The following ZNF385D variants were observed in gnomAD, a reference collection of about 807,000 sequenced individuals.
The protein encoded by ZNF385D is zinc finger protein 385D, also known as zinc finger protein 659.
A neutral mutation model predicts 35.8 loss-of-function variants in ZNF385D; 15 were observed. The ratio of observed to expected loss-of-function variants is 0.42; its 90% CI spans 0.28 to 0.64. The LOEUF (loss-of-function observed/expected upper bound fraction) is 0.64, where lower values mean the gene tolerates loss of function less well. Among genes scored for constraint, ZNF385D ranks in the 30% least tolerant of loss-of-function variants. The probability of loss-of-function intolerance (pLI) is 0.23; values close to 1 mark genes in which losing one functional copy is unlikely to be tolerated. For synonymous variants in ZNF385D, 212 were observed against 186.8 expected (o/e 1.13, Z -1.10); for missense variants, 474 against 494.6 (o/e 0.96, Z 0.39).
At chr3:21,748,855 G>A (rs1473686140) in intron 1 of ZNF385D, among the ~76,000 whole-genome samples, 5 of 152,100 alleles carry the variant, frequency 3.3e-5, no homozygotes, top group Non-Finnish European at 5.9e-5. Flanking sequence ...CAAACATTAG[G>A]ATGCTATTGA....
rs540632108 is a variant in ZNF385D, at chr3:21,586,155, A to G, written c.166-21471T>C. Among the ~76,000 whole-genome samples the G allele has an allele frequency of 2.0e-5, 3 of 152,260 alleles. No individual in the cohort carries two copies. In the East Asian group the frequency reaches 5.8e-4, roughly 29 times the overall value. The stretch of plus-strand genomic sequence containing the variant: ...CAGTGGATTGAGGCTGTAGTGAATT[A>G]TATTTGTGCCACTGCATTCCAGCCT... On this transcript the variant is annotated intron_variant, in intron 2 of 7. Coordinates refer to ENST00000281523, the MANE Select transcript of ZNF385D (RefSeq NM_024697.3).
At chr3:22,268,042 C>T (rs1576589739) in intron 2 of ZNF385D, among the ~76,000 whole-genome samples, 1 of 151,920 alleles carries the variant, frequency 6.6e-6, no homozygotes, top group Admixed American at 6.6e-5. Flanking sequence ...GTATGCACTA[C>T]AAGAGACCAA....
At chr3:21,740,754 C>A (rs765994920) in intron 1 of ZNF385D, among the ~76,000 whole-genome samples, 20 of 152,230 alleles carry the variant, frequency 1.3e-4, no homozygotes, top group Non-Finnish European at 2.2e-4. Context: ...TGACCTGGGG[C>A]AATGTGGAAC....
intron 2 of ZNF385D, among the ~76,000 whole-genome samples, chr3:22,208,889 T>C (rs2125256632): frequency 6.6e-6 from 1 of 151,898 alleles, no homozygotes; most frequent in East Asian, 1.9e-4. Context: ...TCCTAGAAAA[T>C]CATGGAAGGC....
chr3:22,154,631 A>T (rs1055394787), intron 3 of ZNF385D, among the ~76,000 whole-genome samples: 4 of 152,084 alleles, frequency 2.6e-5, no homozygotes, highest in African/African-American at 9.7e-5. Flanking sequence ...ATCTCTATGA[A>T]TCTCTTTAAT....
At chr3:21,951,732 C>T (rs954242597) in intron 3 of ZNF385D, among the ~76,000 whole-genome samples, 12 of 151,698 alleles carry the variant, frequency 7.9e-5, no homozygotes, top group African/African-American at 2.9e-4. Flanking sequence ...ACTATACATA[C>T]TGAAATAAAC....
intron 4 of ZNF385D, among the ~76,000 whole-genome samples, chr3:21,444,222 GGTGC>G (rs1702019542): frequency 4.6e-5 from 7 of 150,872 alleles, no homozygotes; most frequent in African/African-American, 1.7e-4. Flanking sequence ...TGGGATTACA[GGTGC>G]GCACCACCAC....
At chr3:21,658,285 C>T (rs966280068) in intron 2 of ZNF385D, among the ~76,000 whole-genome samples, 1 of 151,964 alleles carries the variant, frequency 6.6e-6, no homozygotes, top group Admixed American at 6.6e-5. Flanking sequence ...CATCACTGTC[C>T]TTTTATTAAC....
intron 3 of ZNF385D, among the ~76,000 whole-genome samples, chr3:21,982,327 T>C (rs1318518908): frequency 6.6e-6 from 1 of 152,094 alleles, no homozygotes; most frequent in Non-Finnish European, 1.5e-5. Flanking sequence ...TTCTAGGTAT[T>C]TTATTCTTTT....
chr3:21,930,643 C>G (rs997729729), intron 3 of ZNF385D, among the ~76,000 whole-genome samples: 1 of 152,034 alleles, frequency 6.6e-6, no homozygotes, highest in Non-Finnish European at 1.5e-5. Flanking sequence ...AGGCAGTGGA[C>G]AGAACTAAGA....
intron 2 of ZNF385D, among the ~76,000 whole-genome samples, chr3:22,200,341 C>T (rs999550594): frequency 5.9e-5 from 9 of 151,688 alleles, no homozygotes; most frequent in South Asian, 2.1e-4. Flanking sequence ...ACTGGGTGTC[C>T]GGGGAGACAT....
intron 3 of ZNF385D, among the ~76,000 whole-genome samples, chr3:21,947,419 C>T (rs1701846831): frequency 1.3e-5 from 2 of 152,026 alleles, no homozygotes; most frequent in South Asian, 4.1e-4. Context: ...GGCACAATCT[C>T]GTCTCACTGC....
intron 3 of ZNF385D, among the ~76,000 whole-genome samples, chr3:22,110,477 T>C (rs1264336938): frequency 6.6e-6 from 1 of 152,160 alleles, no homozygotes; most frequent in Non-Finnish European, 1.5e-5. Flanking sequence ...GATGAGTTCA[T>C]GTCCTTTGTA....
intron 2 of ZNF385D, among the ~76,000 whole-genome samples, chr3:22,174,247 C>CT (rs1396139529): frequency 6.6e-6 from 1 of 152,158 alleles, no homozygotes; most frequent in Admixed American, 6.5e-5. Context: ...TTTATCTCAA[C>CT]TTTAACAAGC....
chr3:21,872,447 C>G (rs1697744648), intron 3 of ZNF385D, among the ~76,000 whole-genome samples: 1 of 152,138 alleles, frequency 6.6e-6, no homozygotes, highest in African/African-American at 2.4e-5. Context: ...ATTGAAGATA[C>G]TGAAGGCATT....
At chr3:21,637,179 C>G (rs965897381) in intron 2 of ZNF385D, among the ~76,000 whole-genome samples, 4 of 151,986 alleles carry the variant, frequency 2.6e-5, no homozygotes, top group African/African-American at 9.7e-5. Flanking sequence ...TTGCCTAAGC[C>G]AATGTCTAGA....
chr3:21,869,763 T>G (rs1697585631), intron 3 of ZNF385D, among the ~76,000 whole-genome samples: 1 of 152,138 alleles, frequency 6.6e-6, no homozygotes, highest in Non-Finnish European at 1.5e-5. Context: ...GATTAGAATC[T>G]TATACTATAA....
At chr3:21,830,317 G>C (rs1448415653) in intron 3 of ZNF385D, among the ~76,000 whole-genome samples, 2 of 152,122 alleles carry the variant, frequency 1.3e-5, no homozygotes, top group Non-Finnish European at 2.9e-5. Flanking sequence ...ACTGATATTT[G>C]ATTAACTGAG....
chr3:22,326,091 T>C lies in ZNF385D; in HGVS notation c.106+46359A>G, dbSNP rs187864775. On this transcript the variant is annotated intron_variant, in intron 2 of 5. Coordinates refer to the ZNF385D transcript ENST00000494108. The stretch of plus-strand genomic sequence containing the variant: ...TCCCCTCTCTCTTCCACTTTTCCCT[T>C]CCAGGAAGTTCCTAAAGCATGCAGT... Among the ~76,000 whole-genome samples, 792 of 152,264 alleles carry C rather than the reference T, an allele frequency of 5.2e-3. 10 individuals are homozygous for C. Among genetic ancestry groups the C allele is most frequent in the South Asian group, 0.032 (153 of 4,820 alleles).
Sources: allele counts gnomAD v4.1 joint callset (sites outside exome capture counted in the v4.1 genomes callset), GRCh38; gene constraint gnomAD v4.1.1; transcripts MANE v1.5; gene names NCBI Gene and HGNC (gene_info 2026-07-23, HGNC 2026-07-21).